CNTN4: variants seen among roughly 807,000 people sequenced by gnomAD.
CNTN4 encodes the protein contactin 4.
CNTN4 carries 77 observed loss-of-function variants against 122.5 expected under a neutral mutation model. The ratio of observed to expected loss-of-function variants is 0.63; its 90% CI spans 0.52 to 0.76. The LOEUF is 0.76. CNTN4 is among the 30% of genes least tolerant of loss of function. CNTN4 has a pLI of 0.00. For synonymous variants in CNTN4, 512 were observed against 447.0 expected (o/e 1.15, Z -1.83); for missense variants, 1,256 against 1,259.1 (o/e 1.00, Z 0.04).
rs547072008 is a variant in CNTN4, at chr3:2,558,189, T to A, written c.-88-13227T>A. ...CATACGCCCATCACTCTGATTCTACTAATGTTAATATTGTACGTAAGTATA... is the reference window on the plus strand; with the variant it reads ...CATACGCCCATCACTCTGATTCTACAAATGTTAATATTGTACGTAAGTATA... On this transcript the variant is annotated intron_variant, in intron 3 of 24. Coordinates refer to ENST00000418658, the MANE Select transcript of CNTN4 (RefSeq NM_175607.3). Among the ~76,000 whole-genome samples the A allele has an allele frequency of 1.2e-4, 19 of 152,324 alleles. No individual in the cohort carries two copies. The South Asian group carries it at 3.9e-3, about 32-fold the overall frequency.
At chr3:2,673,669 T>C (rs1383727292) in intron 4 of CNTN4, among the ~76,000 whole-genome samples, 1 of 151,968 alleles carries the variant, frequency 6.6e-6, no homozygotes, top group African/African-American at 2.4e-5. Context: ...GCCTCCCAAG[T>C]AGCTGGGACT....
intron 12 of CNTN4, among the ~76,000 whole-genome samples, chr3:2,922,126 C>T (rs1457539677): frequency 6.6e-6 from 1 of 152,170 alleles, no homozygotes; most frequent in East Asian, 1.9e-4. Flanking sequence ...CTCCCAGTAT[C>T]TCAGCTACTC....
In CNTN4 at chr3:2,623,858, C is replaced by T. The variant is rs1012074288; in HGVS notation, c.55+52300C>T. Among the ~76,000 whole-genome samples, 6 of 152,198 alleles carry T rather than the reference C, an allele frequency of 3.9e-5. No homozygotes were observed. The Middle Eastern group carries it at 0.01, about 259-fold the overall frequency. On this transcript the variant is annotated intron_variant, in intron 4 of 24. Coordinates refer to ENST00000418658, the MANE Select transcript of CNTN4 (RefSeq NM_175607.3). The stretch of plus-strand genomic sequence containing the variant: ...TGGAGAAGCAAAACAAGATACAGTA[C>T]GTCAGGGTTTCTTAACCAGGCCTCA...
chr3:2,178,470 A>C (rs932587940), intron 2 of CNTN4, among the ~76,000 whole-genome samples: 1 of 152,082 alleles, frequency 6.6e-6, no homozygotes, highest in African/African-American at 2.4e-5. Context: ...AAATTGTAAC[A>C]TCAAACCAAT....
intron 16 of CNTN4, among the ~76,000 whole-genome samples, chr3:3,032,143 G>T (rs1208408500): frequency 6.6e-6 from 1 of 152,108 alleles, no homozygotes. Context: ...GACAAGGGCT[G>T]GAAATGAGAA....
chr3:2,491,019 G>GA (rs978228962), intron 3 of CNTN4, among the ~76,000 whole-genome samples: 1 of 152,226 alleles, frequency 6.6e-6, no homozygotes, highest in South Asian at 2.1e-4. Context: ...GAATAGGGGG[G>GA]AAAAATCAGT....
chr3:3,040,001 C>A, intron 19 of CNTN4, 36 bp from the exon 20 acceptor site: 4 of 1,421,778 alleles, frequency 2.8e-6, no homozygotes, highest in Non-Finnish European at 4.0e-6. Context: ...AGTGAAACTA[C>A]TGTGATTTCT....
chr3:2,279,835 A>G (rs1264962357), intron 2 of CNTN4, among the ~76,000 whole-genome samples: 1 of 151,466 alleles, frequency 6.6e-6, no homozygotes, highest in Non-Finnish European at 1.5e-5. Flanking sequence ...GATATTTTAG[A>G]CAGAATTAGG....
At chr3:2,110,290 G>A (rs1465197345) in intron 2 of CNTN4, 2 of 152,224 alleles carry the variant, frequency 1.3e-5, no homozygotes, top group African/African-American at 4.8e-5. Flanking sequence ...CTGTCTTACA[G>A]ATAGGCTGTG....
chr3:2,787,224 A>T (rs898268826), intron 6 of CNTN4, among the ~76,000 whole-genome samples: 3 of 152,070 alleles, frequency 2.0e-5, no homozygotes, highest in African/African-American at 2.4e-5. Flanking sequence ...TAAAAATACA[A>T]AAACAGCCAG....
At position 2,191,309 on chromosome 3, in the gene CNTN4, C is replaced by T. The variant is rs1377403354; in HGVS notation, c.-145+90670C>T. Among the ~76,000 whole-genome samples, 4 of 151,252 alleles carry T rather than the reference C, an allele frequency of 2.6e-5. No individual in the cohort carries two copies. In the East Asian group the frequency reaches 7.8e-4, roughly 30 times the overall value. On this transcript the variant is annotated intron_variant, in intron 2 of 24. Transcript: ENST00000418658. Reference sequence around the variant, plus strand: ...TAGAACTCAACTACCAGATTATTCTCAAGTTTACCCAAAATAATCTATTTT... The same window carrying T: ...TAGAACTCAACTACCAGATTATTCTTAAGTTTACCCAAAATAATCTATTTT...
Position 3,040,167 on chromosome 3 carries a change from A to G in CNTN4, c.2294A>G (p.Glu765Gly), listed in dbSNP as rs774602662. The G allele has an allele frequency of 4.0e-5, 65 of 1,614,100 alleles. No individual in the cohort carries two copies. Among genetic ancestry groups the G allele is most frequent in the Non-Finnish European group, 5.3e-5 (63 of 1,180,022 alleles). Reference protein sequence around the residue: ...ADASRYVFRNESVHPFSPFEV... With the variant: ...ADASRYVFRNGSVHPFSPFEV... Reference sequence around the variant, plus strand: ...GCCTCTAGATACGTGTTCAGGAATGAGAGCGTGCACCCCTTCTCTCCCTTT... The same window carrying G: ...GCCTCTAGATACGTGTTCAGGAATGGGAGCGTGCACCCCTTCTCTCCCTTT... The change falls in exon 20 of 25, where the codon GAG (glutamate) becomes GGG (glycine). Residue 765 changes from glutamate (E) to glycine (G), a missense_variant. Physicochemically the swap from Glu to Gly is moderately conservative, Grantham distance 98 (BLOSUM62 -2). Coordinates refer to ENST00000418658, the MANE Select transcript of CNTN4 (RefSeq NM_175607.3).
At chr3:2,396,819 A>G (rs1039606145) in intron 3 of CNTN4, among the ~76,000 whole-genome samples, 3 of 152,096 alleles carry the variant, frequency 2.0e-5, no homozygotes, top group African/African-American at 7.2e-5. Flanking sequence ...GCTCCTCAGA[A>G]CCCAATATAA....
intron 4 of CNTN4, among the ~76,000 whole-genome samples, chr3:2,635,008 A>C (rs1020501771): frequency 6.6e-6 from 1 of 152,232 alleles, no homozygotes; most frequent in Non-Finnish European, 1.5e-5. Context: ...GATTCGTTTC[A>C]TGTAGTAACT....
chr3:3,035,607 A>G (rs1235515635), intron 17 of CNTN4, among the ~76,000 whole-genome samples: 1 of 152,126 alleles, frequency 6.6e-6, no homozygotes, highest in Non-Finnish European at 1.5e-5. Flanking sequence ...CCCAGGCTGG[A>G]GTGCAGTGGT....
intron 2 of CNTN4, among the ~76,000 whole-genome samples, chr3:2,202,279 G>A (rs2038135579): frequency 6.6e-6 from 1 of 152,148 alleles, no homozygotes; most frequent in South Asian, 2.1e-4. Context: ...AAGGTTCCTA[G>A]TTCTTATTAA....
chr3:2,616,445 G>A (rs1417293712), intron 4 of CNTN4, among the ~76,000 whole-genome samples: 4 of 152,104 alleles, frequency 2.6e-5, no homozygotes, highest in African/African-American at 7.2e-5. Context: ...ACATACATGT[G>A]CATATGTCTT....
intron 6 of CNTN4, among the ~76,000 whole-genome samples, chr3:2,786,993 A>G (rs567801841): frequency 1.3e-5 from 2 of 152,292 alleles, no homozygotes; most frequent in African/African-American, 4.8e-5. Flanking sequence ...TCATGCAAAA[A>G]CTGGGTTAGA....
intron 4 of CNTN4, among the ~76,000 whole-genome samples, chr3:2,728,430 C>T (rs1252895814): frequency 6.6e-6 from 1 of 152,150 alleles, no homozygotes. Context: ...TGGTTCTTCC[C>T]ATTGGGTTCC....
Sources: gnomAD v4.1 joint callset for allele counts (sites outside exome capture counted in the v4.1 genomes callset) on GRCh38, gnomAD v4.1.1 for gene constraint, MANE v1.5 for transcripts, NCBI Gene and HGNC (gene_info 2026-07-23, HGNC 2026-07-21) for gene names.